Variants in NR1D2 observed in about 807,000 individuals in gnomAD.
NR1D2 encodes the protein nuclear receptor subfamily 1 group D member 2.
A neutral mutation model predicts 52.2 loss-of-function variants in NR1D2; 25 were observed. The observed-to-expected ratio is 0.48, with a 90% confidence interval of 0.35 to 0.67. The LOEUF (loss-of-function observed/expected upper bound fraction) is 0.67. NR1D2 is among the 30% of genes least tolerant of loss of function. The pLI is 0.01. For missense variants in NR1D2, 681 were observed against 707.2 expected, an observed-to-expected ratio of 0.96 and a Z score of 0.42; for synonymous variants, 259 against 230.1, an observed-to-expected ratio of 1.13 and a Z score of -1.14.
intron 1 of NR1D2, among the ~76,000 whole-genome samples, chr3:23,950,902 CTTTTTTTTTTTT>C (rs1181448290): frequency 6.5e-5 from 8 of 123,110 alleles, no homozygotes; most frequent in Non-Finnish European, 1.3e-4. Flanking sequence ...CTTTCTTTTT[CTTTTTTTTTTTT>C]TTTTTTTGAG....
intron 7 of NR1D2, among the ~76,000 whole-genome samples, chr3:23,973,894 A>G (rs1320320263): frequency 6.6e-6 from 1 of 151,986 alleles, no homozygotes; most frequent in Non-Finnish European, 1.5e-5. Flanking sequence ...CACATACATT[A>G]GCTTAGGCCT....
At chr3:23,969,300 C>T (rs1442519619) in intron 7 of NR1D2, among the ~76,000 whole-genome samples, 1 of 151,200 alleles carries the variant, frequency 6.6e-6, no homozygotes, top group Non-Finnish European at 1.5e-5. Flanking sequence ...AAAACAAAAA[C>T]AAAAACAACA....
chr3:23,949,571 T>C (rs563541740), intron 1 of NR1D2, among the ~76,000 whole-genome samples: 2 of 152,326 alleles, frequency 1.3e-5, no homozygotes, highest in South Asian at 4.1e-4. Context: ...ATAACATAGG[T>C]GTTTCCCCAG....
chr3:23,963,459 T>G (rs1406852571), intron 5 of NR1D2: 3 of 845,158 alleles, frequency 3.5e-6, no homozygotes, highest in African/African-American at 2.0e-5. Context: ...TGCTTTTTTG[T>G]TTTTTTTTTT....
intron 1 of NR1D2, chr3:23,946,355 G>A: frequency 1.1e-6 from 1 of 938,652 alleles, no homozygotes; most frequent in Non-Finnish European, 1.3e-6. Context: ...TGCAGGACGA[G>A]GGCGTGCTGC....
chr3:23,970,501 A>G (rs1314049417), intron 7 of NR1D2, among the ~76,000 whole-genome samples: 1 of 152,234 alleles, frequency 6.6e-6, no homozygotes, highest in East Asian at 1.9e-4. Context: ...CACTACCAGA[A>G]AAGATCACTA....
Position 23,945,569 on chromosome 3 carries a change from C to G in NR1D2, c.-10C>G, listed in dbSNP as rs1330049919. 5 of 1,165,916 alleles carry G rather than the reference C, an allele frequency of 4.3e-6. No homozygotes were observed. The highest frequency in any genetic ancestry group is 3.2e-6 in the Non-Finnish European group (3 of 938,568). The allele number at this position is 1,165,916 out of a possible 1,614,324, so 72.2% of individuals were successfully genotyped here. ...AAGCGGGCGGCCCCGGCCGCCTCCG[C>G]GAGGGCACCATGGAGGTGAATGCAG... On this transcript the variant is annotated 5_prime_UTR_variant, in exon 1 of 8. Transcript: ENST00000312521.
intron 7 of NR1D2, among the ~76,000 whole-genome samples, chr3:23,976,246 T>C (rs574280035): frequency 6.6e-6 from 1 of 152,372 alleles, no homozygotes; most frequent in African/African-American, 2.4e-5. Context: ...TAAAGTTGCA[T>C]AGTGTATTAG....
chr3:23,967,356 TG>T (rs1352603174), intron 6 of NR1D2, among the ~76,000 whole-genome samples: 3 of 151,822 alleles, frequency 2.0e-5, no homozygotes, highest in African/African-American at 7.3e-5. Flanking sequence ...GGCTCACACC[TG>T]TAATCCCAGC....
Position 23,977,205 on chromosome 3 carries a change from A to C in NR1D2, c.1544-18A>C, listed in dbSNP as rs746864221. The C allele has an allele frequency of 1.0e-5, 14 of 1,372,060 alleles. No individual in the cohort carries two copies. In the East Asian group the frequency reaches 3.5e-4, roughly 34 times the overall value. 85.0% of individuals were successfully genotyped at this position (1,372,060 alleles called of 1,614,324 possible). A position where few individuals can be genotyped will look rare whatever the true frequency, so the allele number is the denominator to read the frequency against. ...TTTATCCTGTTTTTCCTATTTCCCT[A>C]TTCCTGATCTCTCTTAGATCGATCT... On this transcript the variant is annotated intron_variant, in intron 7 of 7. Coordinates refer to ENST00000312521, the MANE Select transcript of NR1D2 (RefSeq NM_005126.5).
At chr3:23,958,443 G>A (rs1177914836) in intron 3 of NR1D2, among the ~76,000 whole-genome samples, 1 of 151,962 alleles carries the variant, frequency 6.6e-6, no homozygotes, top group Non-Finnish European at 1.5e-5. Context: ...GGTGGAGTGT[G>A]AGACCCACCT....
chr3:23,962,391 G>A lies in NR1D2; in HGVS notation c.932G>A (p.Cys311Tyr). The A allele has an allele frequency of 6.2e-7, 1 of 1,614,194 alleles. No homozygotes were observed. The highest frequency in any genetic ancestry group is 8.5e-7 in the Non-Finnish European group (1 of 1,180,020). ...AATGGGCTTAGCAGCCATTTTCCCT[G>A]TAGTGAGAGCCAGCAGCATCTCAAT... ...CGNGLSSHFP[C>Y]SESQQHLNGQ... Residue 311 changes from cysteine to tyrosine, a missense_variant, in exon 5 of 8, where the codon TGT (cysteine) becomes TAT (tyrosine). Physicochemically the swap from Cys to Tyr is radical, Grantham distance 194 (BLOSUM62 -2). This residue lies in a region of NR1D2 where 475 missense variants were observed against 454.5 expected (regional missense o/e 1.05). Transcript: ENST00000312521.
intron 6 of NR1D2, 38 bp from the exon 7 acceptor site, chr3:23,967,775 T>G: frequency 6.6e-7 from 1 of 1,509,230 alleles, no homozygotes. Flanking sequence ...ATTATTGCTG[T>G]TAGACTTCTC....
chr3:23,977,247 A>C lies in NR1D2; in HGVS notation c.1568A>C (p.Asn523Thr), dbSNP rs772716952. ...SADRSGIENV[N>T]SVEALQETLI... Reference sequence around the variant, plus strand: ...GATCGATCTGGAATAGAAAACGTCAACTCTGTGGAGGCTTTGCAGGAAACT... The same window carrying C: ...GATCGATCTGGAATAGAAAACGTCACCTCTGTGGAGGCTTTGCAGGAAACT... Residue 523 changes from asparagine (N) to threonine (T), a missense_variant, in exon 8 of 8, where the codon AAC becomes ACC. By Grantham distance (65) the Asn-to-Thr change is moderately conservative. Around this residue, in one of 3 missense-constraint regions of NR1D2, gnomAD observed 475 missense variants for 454.5 expected, o/e 1.05. Transcript: ENST00000312521. 3.7e-6 allele frequency: 6 copies of C among 1,601,640 alleles called. No individual in the cohort carries two copies. Among genetic ancestry groups the C allele is most frequent in the Non-Finnish European group, 4.3e-6 (5 of 1,175,366 alleles).
Position 23,953,518 on chromosome 3 carries a change from C to T in NR1D2, c.17-1019C>T, listed in dbSNP as rs114730050. 4.2e-3 allele frequency among the ~76,000 whole-genome samples: 638 copies of T among 152,070 alleles called. 4 individuals carry two copies. Among genetic ancestry groups the T allele is most frequent in the South Asian group, 0.01 (50 of 4,810 alleles). On this transcript the variant is annotated intron_variant, in intron 1 of 7. Transcript: ENST00000312521. ...TAGCATCTTTAACACCTATAAAGAG[C>T]GAGTCAGAAGAACAAGTAGTGAGTC...
chr3:23,946,250 C>G, intron 1 of NR1D2: 1 of 985,432 alleles, frequency 1.0e-6, no homozygotes, highest in Non-Finnish European at 1.2e-6. Context: ...GCTCTTTTCG[C>G]GAGGTGACCC....
At position 23,962,494 on chromosome 3, in the gene NR1D2, C is replaced by G; in HGVS notation, c.1035C>G (p.Asn345Lys). ...GTATTGCAAATGGACATTGTATGAACTTCTCCAATGCTTATACTCAAAGAG... is the reference window on the plus strand; with the variant it reads ...GTATTGCAAATGGACATTGTATGAAGTTCTCCAATGCTTATACTCAAAGAG... ...AICIANGHCM[N>K]FSNAYTQRVC... is the part of the protein sequence containing the mutation. The change falls in exon 5 of 8, where the codon AAC becomes AAG. Residue 345 changes from asparagine (N) to lysine (K), a missense_variant. Physicochemically the swap from Asn to Lys is moderately conservative, Grantham distance 94. Around this residue, in one of 3 missense-constraint regions of NR1D2, gnomAD observed 475 missense variants for 454.5 expected, o/e 1.05. Coordinates refer to ENST00000312521, the MANE Select transcript of NR1D2 (RefSeq NM_005126.5). 6.2e-7 allele frequency: 1 copy of G among 1,614,100 alleles called. No individual in the cohort carries two copies. The highest frequency in any genetic ancestry group is 1.7e-5 in the Admixed American group (1 of 60,016).
chr3:23,946,716 A>T (rs931769339), intron 1 of NR1D2: 1 of 152,074 alleles, frequency 6.6e-6, no homozygotes, highest in South Asian at 2.1e-4. Flanking sequence ...ATTAAAAAAA[A>T]ATTAACCTGT....
chr3:23,976,986 C>T (rs1706742876), intron 7 of NR1D2, among the ~76,000 whole-genome samples: 1 of 140,116 alleles, frequency 7.1e-6, no homozygotes, highest in Non-Finnish European at 1.5e-5. Context: ...AAATTCTTAA[C>T]AGTAAAGAAT....
Sources: allele counts gnomAD v4.1 joint callset (sites outside exome capture counted in the v4.1 genomes callset), GRCh38; gene constraint gnomAD v4.1.1; regional missense constraint gnomAD v4.1.1; transcripts MANE v1.5; gene names NCBI Gene and HGNC (gene_info 2026-07-23, HGNC 2026-07-21).